ERGIC1: variants seen among roughly 807,000 people sequenced by gnomAD.
ERGIC1 encodes endoplasmic reticulum-Golgi intermediate compartment protein 1.
In ERGIC1, 19 loss-of-function variants were observed where a neutral mutation model predicts 38.3. That is an observed-to-expected ratio of 0.50 (90% CI 0.35 to 0.73). The LOEUF (loss-of-function observed/expected upper bound fraction) is 0.73, where lower values mean the gene tolerates loss of function less well. Among genes scored for constraint, ERGIC1 ranks in the 30% least tolerant of loss-of-function variants. The pLI is 0.01. For synonymous variants in ERGIC1, 124 were observed against 157.6 expected, an observed-to-expected ratio of 0.79 and a Z score of 1.60; for missense variants, 294 against 389.2, an observed-to-expected ratio of 0.76 and a Z score of 2.06.
At chr5:172,839,715 A>G (rs987319039) in intron 1 of ERGIC1, among the ~76,000 whole-genome samples, 1 of 152,246 alleles carries the variant, frequency 6.6e-6, no homozygotes, top group African/African-American at 2.4e-5. Flanking sequence ...AACATTTGCT[A>G]GTGCCAGGCA....
intron 1 of ERGIC1, among the ~76,000 whole-genome samples, chr5:172,862,969 T>C (rs942792084): frequency 9.8e-5 from 15 of 152,318 alleles, no homozygotes; most frequent in Admixed American, 9.8e-4. Flanking sequence ...AAGCCGAGCC[T>C]TCTATTTATT....
At chr5:172,883,603 G>A (rs538835655) in intron 1 of ERGIC1, among the ~76,000 whole-genome samples, 1 of 152,294 alleles carries the variant, frequency 6.6e-6, no homozygotes, top group Admixed American at 6.5e-5. Flanking sequence ...AAGTGGTGCT[G>A]TGCCCTCCTC....
intron 9 of ERGIC1, chr5:172,936,890 T>G (rs1411775702): frequency 1.3e-5 from 2 of 152,144 alleles, no homozygotes; most frequent in Admixed American, 6.6e-5. Flanking sequence ...TCCCAGCTAC[T>G]TAGGAGGCTG....
intron 3 of ERGIC1, among the ~76,000 whole-genome samples, chr5:172,899,061 G>C (rs1210596847): frequency 6.6e-6 from 1 of 152,164 alleles, no homozygotes; most frequent in Non-Finnish European, 1.5e-5. Flanking sequence ...GTCATGTTCT[G>C]AGCAAGGTGA....
chr5:172,943,430 TCTC>T (rs1020148793), intron 9 of ERGIC1, among the ~76,000 whole-genome samples: 9 of 151,876 alleles, frequency 5.9e-5, no homozygotes, highest in African/African-American at 1.9e-4. Flanking sequence ...ACTTTGGTGT[TCTC>T]ATCCCCGGCT....
At chr5:172,942,762 G>C (rs992828728) in intron 9 of ERGIC1, among the ~76,000 whole-genome samples, 29 of 152,328 alleles carry the variant, frequency 1.9e-4, no homozygotes, top group South Asian at 4.1e-4. Flanking sequence ...TCCCAGAGCA[G>C]GTTCGGAGGC....
intron 1 of ERGIC1, among the ~76,000 whole-genome samples, chr5:172,862,639 C>G (rs710113): frequency 1.4e-3 from 210 of 152,320 alleles, no homozygotes; most frequent in African/African-American, 4.6e-3. Flanking sequence ...TTATTGATGT[C>G]AGGATATGAA....
intron 5 of ERGIC1, chr5:172,917,484 C>CT (rs1581573455): frequency 6.6e-6 from 1 of 152,020 alleles, no homozygotes; most frequent in East Asian, 1.9e-4. Flanking sequence ...ATTCTCAGGC[C>CT]CCCCTAAGAC....
chr5:172,850,993 A>G (rs1428562216), intron 1 of ERGIC1, among the ~76,000 whole-genome samples: 1 of 151,984 alleles, frequency 6.6e-6, no homozygotes, highest in African/African-American at 2.4e-5. Flanking sequence ...TGAGGCCAGG[A>G]GTTCGAGACC....
chr5:172,897,750 T>C (rs1762758118), intron 3 of ERGIC1: 1 of 413,518 alleles, frequency 2.4e-6, no homozygotes, highest in East Asian at 3.6e-5. Context: ...TCAGTGAAAC[T>C]AATGGGTACA....
chr5:172,869,425 G>A (rs1761948429), intron 1 of ERGIC1, among the ~76,000 whole-genome samples: 1 of 152,212 alleles, frequency 6.6e-6, no homozygotes, highest in Non-Finnish European at 1.5e-5. Flanking sequence ...ACACCGAGTG[G>A]GATGGGGAGG....
chr5:172,877,440 G>GTGTATATA (rs1491234878), intron 1 of ERGIC1, among the ~76,000 whole-genome samples: 8 of 67,384 alleles, frequency 1.2e-4, no homozygotes, highest in African/African-American at 4.6e-4. Context: ...GTGTGTGTGT[G>GTGTATATA]TATATATATA....
intron 7 of ERGIC1, chr5:172,930,950 G>A (rs1763764096): frequency 6.6e-6 from 1 of 152,210 alleles, no homozygotes; most frequent in Non-Finnish European, 1.5e-5. Flanking sequence ...GCGGCTGCAG[G>A]ACTTTTCTCG....
chr5:172,908,318 G>GCGGGCGGA (rs1561729632), intron 3 of ERGIC1, among the ~76,000 whole-genome samples: 1 of 7,334 alleles, frequency 1.4e-4, no homozygotes, highest in African/African-American at 7.5e-4. Context: ...GGGGGGGGGG[G>GCGGGCGGA]AGAGAGGGGA....
In ERGIC1 at chr5:172,949,990, G is replaced by A. The variant is rs149160791; in HGVS notation, c.766-719G>A. Among the ~76,000 whole-genome samples, 1,428 of 152,192 alleles carry A rather than the reference G, an allele frequency of 9.4e-3. 23 individuals are homozygous for A. The highest frequency in any genetic ancestry group is 0.033 in the African/African-American group (1,363 of 41,518). The stretch of plus-strand genomic sequence containing the variant: ...CGGGAGGCTGAGGCAGGAGAATGCC[G>A]TGAACCCGGGAGGCGGAGCTTGCAG... On this transcript the variant is annotated intron_variant, in intron 9 of 9. Coordinates refer to ENST00000393784, the MANE Select transcript of ERGIC1 (RefSeq NM_001031711.3).
At chr5:172,927,603 G>A (rs1434138897) in intron 7 of ERGIC1, among the ~76,000 whole-genome samples, 4 of 143,764 alleles carry the variant, frequency 2.8e-5, no homozygotes, top group African/African-American at 5.2e-5. Context: ...TTTTTGAGAC[G>A]GAGTCTTACT....
At chr5:172,879,455 C>T (rs114149208) in intron 1 of ERGIC1, among the ~76,000 whole-genome samples, 2,550 of 152,332 alleles carry the variant, frequency 0.017, 93 homozygotes, top group African/African-American at 0.058. Context: ...AAGCTAGAGA[C>T]GTGGATTTGG....
chr5:172,928,526 T>C (rs1393037574), intron 7 of ERGIC1, among the ~76,000 whole-genome samples: 1 of 152,216 alleles, frequency 6.6e-6, no homozygotes, highest in East Asian at 1.9e-4. Flanking sequence ...AACCTGTTTT[T>C]TCTTCCTAGC....
At position 172,842,764 on chromosome 5, in the gene ERGIC1, G is replaced by T. The variant is rs543696617; in HGVS notation, c.20+8331G>T. ...TATTTGCATTTCCCTGATGAATAGA[G>T]ATTTTGAGCATCTTTTCAAGATCTT... is the stretch of plus-strand genomic sequence containing the variant. On this transcript the variant is annotated intron_variant, in intron 1 of 9. Coordinates refer to ENST00000393784, the MANE Select transcript of ERGIC1 (RefSeq NM_001031711.3). 4.6e-5 allele frequency among the ~76,000 whole-genome samples: 7 copies of T among 152,332 alleles called. No individual in the cohort carries two copies. The East Asian group carries it at 1.3e-3, about 29-fold the overall frequency.
Sources: allele counts gnomAD v4.1 joint callset (sites outside exome capture counted in the v4.1 genomes callset), GRCh38; gene constraint gnomAD v4.1.1; transcripts MANE v1.5; gene names NCBI Gene and HGNC (gene_info 2026-07-23, HGNC 2026-07-21).